The following GALNTL6 variants were observed in gnomAD, a reference collection of about 807,000 sequenced individuals.
The protein encoded by GALNTL6 is polypeptide N-acetylgalactosaminyltransferase like 6, also known as polypeptide N-acetylgalactosaminyltransferase-like 6.
GALNTL6 carries 46 observed loss-of-function variants against 73.7 expected under a neutral mutation model. That is an observed-to-expected ratio of 0.62 (90% CI 0.49 to 0.80). GALNTL6 has a LOEUF of 0.80. Among genes scored for constraint, GALNTL6 ranks in the 30% least tolerant of loss-of-function variants. The pLI is 0.00. For synonymous variants in GALNTL6, 259 were observed against 263.7 expected (o/e 0.98, Z 0.17); for missense variants, 604 against 755.0 (o/e 0.80, Z 2.34).
At chr4:171,940,489 C>T (rs139670482) in intron 2 of GALNTL6, among the ~76,000 whole-genome samples, 14 of 152,006 alleles carry the variant, frequency 9.2e-5, no homozygotes, top group Admixed American at 2.0e-4. Flanking sequence ...TGTAACCAAA[C>T]AATATTGCTC....
At chr4:171,956,437 T>G (rs532471347) in intron 2 of GALNTL6, among the ~76,000 whole-genome samples, 1 of 152,322 alleles carries the variant, frequency 6.6e-6, no homozygotes, top group South Asian at 2.1e-4. Context: ...GGAACTTCTT[T>G]GTATATGACA....
At chr4:172,560,689 C>A (rs1736321635) in intron 5 of GALNTL6, among the ~76,000 whole-genome samples, 1 of 152,038 alleles carries the variant, frequency 6.6e-6, no homozygotes, top group South Asian at 2.1e-4. Context: ...TGTTCTGTTT[C>A]ATTTTTCTCC....
intron 5 of GALNTL6, among the ~76,000 whole-genome samples, chr4:172,673,690 T>A (rs2111211858): frequency 6.6e-6 from 1 of 152,342 alleles, no homozygotes; most frequent in Middle Eastern, 3.4e-3. Context: ...GATAGTTAGA[T>A]CTTCTTGTTG....
intron 2 of GALNTL6, among the ~76,000 whole-genome samples, chr4:172,181,281 G>T (rs898249268): frequency 6.6e-6 from 1 of 152,088 alleles, no homozygotes; most frequent in African/African-American, 2.4e-5. Flanking sequence ...CGATCAAGTC[G>T]GCTTCATCCC....
intron 2 of GALNTL6, among the ~76,000 whole-genome samples, chr4:171,930,807 C>A (rs958656145): frequency 1.3e-5 from 2 of 152,184 alleles, no homozygotes; most frequent in East Asian, 1.9e-4. Flanking sequence ...TGCACTCCAG[C>A]CTGGGTGACA....
At chr4:172,746,122 C>A (rs1737096474) in intron 5 of GALNTL6, among the ~76,000 whole-genome samples, 1 of 152,044 alleles carries the variant, frequency 6.6e-6, no homozygotes, top group Non-Finnish European at 1.5e-5. Context: ...AGTAAACCTG[C>A]AATTTAATTG....
chr4:172,838,079 C>T (rs1360330463), intron 7 of GALNTL6, among the ~76,000 whole-genome samples: 4 of 151,532 alleles, frequency 2.6e-5, no homozygotes, highest in Admixed American at 2.6e-4. Context: ...AGTGTTTGCT[C>T]GCACAGCATG....
chr4:172,905,885 C>T (rs1746864947), intron 8 of GALNTL6, among the ~76,000 whole-genome samples: 1 of 133,860 alleles, frequency 7.5e-6, no homozygotes, highest in Non-Finnish European at 1.6e-5. Flanking sequence ...CTTAACAAAA[C>T]TGGAATCTTA....
chr4:172,128,528 G>A (rs550717083), intron 2 of GALNTL6, among the ~76,000 whole-genome samples: 3 of 152,110 alleles, frequency 2.0e-5, no homozygotes, highest in African/African-American at 4.8e-5. Context: ...AACTGTTTAC[G>A]TGGCTAAAAT....
chr4:172,780,692 C>A (rs1010376132), intron 5 of GALNTL6, among the ~76,000 whole-genome samples: 6 of 152,178 alleles, frequency 3.9e-5, no homozygotes, highest in African/African-American at 1.4e-4. Flanking sequence ...CAGTAAAATG[C>A]CACTCCCATG....
intron 5 of GALNTL6, among the ~76,000 whole-genome samples, chr4:172,392,530 C>T (rs963962886): frequency 6.6e-6 from 1 of 151,482 alleles, no homozygotes; most frequent in Non-Finnish European, 1.5e-5. Flanking sequence ...TCCTCGGTCT[C>T]CCAAAGTACT....
chr4:172,653,781 G>T (rs11937754), intron 5 of GALNTL6, among the ~76,000 whole-genome samples: 2,976 of 152,288 alleles, frequency 0.02, 42 homozygotes, highest in Non-Finnish European at 0.03. Flanking sequence ...AACAAGAGAG[G>T]TTGTACAAAT....
chr4:171,965,249 C>A lies in GALNTL6; in HGVS notation c.138+150531C>A, dbSNP rs1271844780. ...CCTTGCATTTTGATCATTAGTATGC[C>A]AAATAAATGTAGAATATGGAGCCAG... is the stretch of plus-strand genomic sequence containing the variant. On this transcript the variant is annotated intron_variant, in intron 2 of 12. Coordinates refer to ENST00000506823, the MANE Select transcript of GALNTL6 (RefSeq NM_001034845.3). 2.0e-5 allele frequency among the ~76,000 whole-genome samples: 3 copies of A among 151,944 alleles called. No homozygotes were observed. In the East Asian group the frequency reaches 5.8e-4, roughly 29 times the overall value.
chr4:172,634,842 T>C (rs886255582), intron 5 of GALNTL6, among the ~76,000 whole-genome samples: 1 of 152,158 alleles, frequency 6.6e-6, no homozygotes, highest in Non-Finnish European at 1.5e-5. Context: ...GAAATCATTT[T>C]AAACAAGGTA....
chr4:172,214,364 C>G (rs767422917), intron 2 of GALNTL6, among the ~76,000 whole-genome samples: 5 of 151,838 alleles, frequency 3.3e-5, no homozygotes, highest in Non-Finnish European at 7.4e-5. Flanking sequence ...ATTCCATAGT[C>G]TTCTCTATTT....
intron 5 of GALNTL6, among the ~76,000 whole-genome samples, chr4:172,606,686 AG>A (rs1738314013): frequency 5.1e-5 from 5 of 98,608 alleles, no homozygotes; most frequent in African/African-American, 1.4e-4. Flanking sequence ...CTATATATAT[AG>A]TATATATATA....
intron 5 of GALNTL6, among the ~76,000 whole-genome samples, chr4:172,732,113 C>G (rs570411472): frequency 7.9e-5 from 12 of 152,196 alleles, no homozygotes; most frequent in African/African-American, 2.9e-4. Context: ...TCTGGATGAT[C>G]TGTCTGTTAC....
At chr4:172,576,147 A>G (rs1390670923) in intron 5 of GALNTL6, among the ~76,000 whole-genome samples, 1 of 152,140 alleles carries the variant, frequency 6.6e-6, no homozygotes, top group Non-Finnish European at 1.5e-5. Context: ...ATTTTTAACT[A>G]TGTTAAAGGT....
chr4:171,941,391 A>G (rs960011114), intron 2 of GALNTL6, among the ~76,000 whole-genome samples: 24 of 152,254 alleles, frequency 1.6e-4, no homozygotes, highest in Non-Finnish European at 1.9e-4. Context: ...CTCCCCAAAC[A>G]TTCTTCTCTT....
Sources: gnomAD v4.1 joint callset for allele counts (sites outside exome capture counted in the v4.1 genomes callset) on GRCh38, gnomAD v4.1.1 for gene constraint, MANE v1.5 for transcripts, NCBI Gene and HGNC (gene_info 2026-07-23, HGNC 2026-07-21) for gene names.